CERKL: variants seen among roughly 807,000 people sequenced by gnomAD.
The protein encoded by CERKL is ceramide kinase-like protein.
In CERKL, 61 loss-of-function variants were observed where a neutral mutation model predicts 63.4. That is an observed-to-expected ratio of 0.96 (90% CI 0.78 to 1.19). The LOEUF (loss-of-function observed/expected upper bound fraction) is 1.19. Among genes scored for constraint, CERKL ranks in the 50% most tolerant of loss-of-function variants. The pLI, the probability that CERKL is intolerant of heterozygous loss-of-function variation, is 0.00. For synonymous variants in CERKL, 250 were observed against 230.5 expected (o/e 1.08, Z -0.77); for missense variants, 675 against 655.5 (o/e 1.03, Z -0.33).
At chr2:181,548,924 G>T in intron 6 of CERKL, 67 bp from the exon 7 acceptor site, 1 of 1,423,212 alleles carries the variant, frequency 7.0e-7, no homozygotes, top group Admixed American at 1.7e-5. Flanking sequence ...GCAAACATAA[G>T]AGAGCATATT....
intron 3 of CERKL, among the ~76,000 whole-genome samples, chr2:181,570,479 T>C (rs896441480): frequency 6.6e-6 from 1 of 152,194 alleles, no homozygotes. Flanking sequence ...AGAAATGATA[T>C]CATATGCCAG....
At chr2:181,600,530 G>A (rs1685412856) in intron 2 of CERKL, among the ~76,000 whole-genome samples, 2 of 152,032 alleles carry the variant, frequency 1.3e-5, no homozygotes, top group Admixed American at 1.3e-4. Context: ...GATCTAGCAT[G>A]CAAATAGAAA....
intron 1 of CERKL, among the ~76,000 whole-genome samples, chr2:181,623,230 T>C (rs1357423861): frequency 6.6e-6 from 1 of 152,188 alleles, no homozygotes; most frequent in Non-Finnish European, 1.5e-5. Context: ...ATCAACTGCT[T>C]AAAAATGCTT....
At position 181,539,090 on chromosome 2, in the gene CERKL, A is replaced by G; in HGVS notation, c.1538+2T>C. 6.3e-7 allele frequency: 1 copy of G among 1,575,524 alleles called. No homozygotes were observed. Among genetic ancestry groups the G allele is most frequent in the Non-Finnish European group, 8.7e-7 (1 of 1,145,220 alleles). On this transcript the variant is annotated splice_donor_variant, in intron 12 of 12. Transcript: ENST00000410087. LOFTEE classifies it high-confidence loss of function. ...AATAAGCGGTGAAATAAATAGACTT[A>G]CCTAATATGGACCTCTGATGCAACT...
At chr2:181,582,400 A>C (rs1684549797) in intron 2 of CERKL, among the ~76,000 whole-genome samples, 1 of 152,124 alleles carries the variant, frequency 6.6e-6, no homozygotes, top group African/African-American at 2.4e-5. Context: ...GGCCATCAGC[A>C]TATTTAATGT....
chr2:181,552,294 A>T (rs1319026441), intron 5 of CERKL, among the ~76,000 whole-genome samples: 1 of 152,184 alleles, frequency 6.6e-6, no homozygotes, highest in East Asian at 1.9e-4. Context: ...TTGAATTTTA[A>T]TCCCCATAAT....
chr2:181,647,556 T>C (rs1333368310), intron 1 of CERKL, among the ~76,000 whole-genome samples: 1 of 152,020 alleles, frequency 6.6e-6, no homozygotes, highest in Non-Finnish European at 1.5e-5. Context: ...TGGTACTGAA[T>C]CCACCCCAAA....
chr2:181,596,828 C>G (rs1239642849), intron 2 of CERKL, among the ~76,000 whole-genome samples: 1 of 152,108 alleles, frequency 6.6e-6, no homozygotes, highest in African/African-American at 2.4e-5. Flanking sequence ...AAAGCCCATG[C>G]CTGGAACCCA....
chr2:181,537,905 C>G lies in CERKL; in HGVS notation c.*279G>C. 2 of 566,830 alleles carry G rather than the reference C, an allele frequency of 3.5e-6. No individual in the cohort carries two copies. Among genetic ancestry groups the G allele is most frequent in the Non-Finnish European group, 6.7e-6 (2 of 298,826 alleles). The allele number at this position is 566,830 out of a possible 1,614,324, so 35.1% of individuals were successfully genotyped here. On this transcript the variant is annotated 3_prime_UTR_variant, in exon 13 of 13. Transcript: ENST00000410087. ...GCAATGGAGCATTACTGAGTTCCTC[C>G]CCCTGTCAGATCAGCAGCAGCATTA...
chr2:181,547,586 G>C (rs777336671), intron 10 of CERKL, 32 bp downstream of exon 10: 14 of 1,570,718 alleles, frequency 8.9e-6, no homozygotes, highest in Non-Finnish European at 3.5e-6. Context: ...TATAAGAAAT[G>C]TATCAACAAT....
In CERKL at chr2:181,575,857, T is replaced by G. The variant is rs148480657; in HGVS notation, c.482-1973A>C. The stretch of plus-strand genomic sequence containing the variant: ...ACCCCATCCCCACTTTTGTCAAAAT[T>G]TTATGACTTTTCAAAGCTCACTTCA... On this transcript the variant is annotated intron_variant, in intron 2 of 12. Transcript: ENST00000410087. Among the ~76,000 whole-genome samples the G allele has an allele frequency of 3.1e-3, 476 of 152,274 alleles. 4 individuals carry two copies. The highest frequency in any genetic ancestry group is 0.011 in the African/African-American group (454 of 41,554).
rs550874541 is a variant in CERKL, at chr2:181,589,465, G to A, written c.481+14372C>T. 3.6e-4 allele frequency among the ~76,000 whole-genome samples: 55 copies of A among 152,248 alleles called. No individual in the cohort carries two copies. In the South Asian group the frequency reaches 7.1e-3, roughly 20 times the overall value. On this transcript the variant is annotated intron_variant, in intron 2 of 12. Transcript: ENST00000410087. ...AGACCAATGGCATGAAGTATTCAACGTCATGAAGCTTTACGCCTATGTTTT... is the reference window on the plus strand; with the variant it reads ...AGACCAATGGCATGAAGTATTCAACATCATGAAGCTTTACGCCTATGTTTT...
At chr2:181,546,636 G>T (rs1157417705) in intron 10 of CERKL, among the ~76,000 whole-genome samples, 2 of 151,896 alleles carry the variant, frequency 1.3e-5, no homozygotes, top group Non-Finnish European at 2.9e-5. Flanking sequence ...CAACACTCAC[G>T]ATCCTTTCTC....
Position 181,656,889 on chromosome 2 carries a change from C to G in CERKL, c.118G>C (p.Glu40Gln), listed in dbSNP as rs1157793318. 1 of 1,605,356 alleles carries G rather than the reference C, an allele frequency of 6.2e-7. No homozygotes were observed. Among genetic ancestry groups the G allele is most frequent in the Non-Finnish European group, 8.5e-7 (1 of 1,175,226 alleles). ...AGCAGAATCCGCTCGGCCGCCGCCT[C>G]CGTCTGCTGCGGGGACGTTAACAGC... ...PALLTSPQQT[E>Q]AAAERILLRG... is the part of the protein sequence containing the mutation. The change falls in exon 1 of 13, where the codon GAG becomes CAG. Residue 40 changes from glutamate (E) to glutamine (Q), a missense_variant. By Grantham distance (29) the Glu-to-Gln change is conservative. Transcript: ENST00000410087.
chr2:181,636,942 T>A (rs1461543871), intron 1 of CERKL, among the ~76,000 whole-genome samples: 1 of 152,222 alleles, frequency 6.6e-6, no homozygotes, highest in Non-Finnish European at 1.5e-5. Context: ...AGATTGTGAA[T>A]ATCTGAAGAC....
chr2:181,541,369 T>C (rs567606669), intron 11 of CERKL, among the ~76,000 whole-genome samples: 3 of 152,304 alleles, frequency 2.0e-5, no homozygotes, highest in South Asian at 4.1e-4. Context: ...AAGAAATACA[T>C]TTCTGTTTGT....
In CERKL at chr2:181,558,170, T is replaced by C. The variant is rs549683821; in HGVS notation, c.820+396A>G. The stretch of plus-strand genomic sequence containing the variant: ...GTTACCATATTCACCTCATATGGAA[T>C]TGTAAGCAGCTAGACTGGAGTGGCC... On this transcript the variant is annotated intron_variant, in intron 5 of 12. Transcript: ENST00000410087. The surrounding 1 kb of genome is among the most constrained non-coding windows in gnomAD (Gnocchi z 4.2). Among the ~76,000 whole-genome samples, 1 of 152,328 alleles carries C rather than the reference T, an allele frequency of 6.6e-6. No homozygotes were observed. The highest frequency in any genetic ancestry group is 2.4e-5 in the African/African-American group (1 of 41,576).
intron 2 of CERKL, among the ~76,000 whole-genome samples, chr2:181,598,264 G>A (rs1685304033): frequency 6.6e-6 from 1 of 152,146 alleles, no homozygotes; most frequent in African/African-American, 2.4e-5. Context: ...CCCTAGACTG[G>A]GGGAAGAGGC....
At chr2:181,625,654 G>A (rs1322259151) in intron 1 of CERKL, among the ~76,000 whole-genome samples, 2 of 152,176 alleles carry the variant, frequency 1.3e-5, no homozygotes, top group Non-Finnish European at 2.9e-5. Flanking sequence ...TGTAGGAAGA[G>A]AAAGCCTTAG....
Sources: gnomAD v4.1 joint callset for allele counts (sites outside exome capture counted in the v4.1 genomes callset) on GRCh38, gnomAD v4.1.1 for gene constraint, Gnocchi (gnomAD v3.1) non-coding constraint, MANE v1.5 for transcripts, NCBI Gene and HGNC (gene_info 2026-07-23, HGNC 2026-07-21) for gene names.